The following HEXB variants were observed in gnomAD, a reference collection of about 807,000 sequenced individuals.
The protein encoded by HEXB is beta-hexosaminidase subunit beta.
Under a neutral mutation model 71.2 loss-of-function variants are expected in HEXB, and 51 were observed. The ratio of observed to expected loss-of-function variants is 0.72; its 90% CI spans 0.57 to 0.90. The LOEUF is 0.90. Among genes scored for constraint, HEXB ranks in the 40% least tolerant of loss-of-function variants. The pLI, the probability that HEXB is intolerant of heterozygous loss-of-function variation, is 0.00. For missense variants in HEXB, 617 were observed against 677.0 expected, an observed-to-expected ratio of 0.91 and a Z score of 0.98; for synonymous variants, 266 against 249.3, an observed-to-expected ratio of 1.07 and a Z score of -0.63.
chr5:74,679,029 G>T (rs545219829), intron 1 of HEXB, among the ~76,000 whole-genome samples: 1 of 152,178 alleles, frequency 6.6e-6, no homozygotes, highest in Non-Finnish European at 1.5e-5. Flanking sequence ...CACTGTTGCC[G>T]TTTTTGGGGG....
rs144438832 is a variant in HEXB at position 74,720,619 on chromosome 5, G to A, written c.1509-24G>A. ...AAACATAAATTTAAACTGCTTGCGG[G>A]GGGATGTGTGATTTAAATTTTAGGC... On this transcript the variant is annotated intron_variant, in intron 12 of 13. Transcript: ENST00000261416. 4.8e-4 allele frequency: 767 copies of A among 1,605,896 alleles called. 6 individuals are homozygous for A. In the East Asian group the frequency reaches 0.016, roughly 33 times the overall value.
At chr5:74,702,938 G>A (rs1370969658) in intron 5 of HEXB, among the ~76,000 whole-genome samples, 1 of 152,104 alleles carries the variant, frequency 6.6e-6, no homozygotes, top group African/African-American at 2.4e-5. Flanking sequence ...ATTGTAATCT[G>A]TTACTTTCCC....
At chr5:74,673,948 C>G (rs1748585038) in intron 1 of HEXB, among the ~76,000 whole-genome samples, 1 of 152,106 alleles carries the variant, frequency 6.6e-6, no homozygotes, top group Non-Finnish European at 1.5e-5. Flanking sequence ...TTCTGTCAAT[C>G]TACAATAATC....
intron 6 of HEXB, among the ~76,000 whole-genome samples, chr5:74,709,490 TAATG>T (rs1365746650): frequency 6.6e-6 from 1 of 152,018 alleles, no homozygotes; most frequent in East Asian, 1.9e-4. Flanking sequence ...TTCAAAAAAT[TAATG>T]AATCCAGAAG....
chr5:74,672,964 AG>A (rs1489293094), intron 1 of HEXB, among the ~76,000 whole-genome samples: 4 of 152,244 alleles, frequency 2.6e-5, no homozygotes, highest in Non-Finnish European at 4.4e-5. Flanking sequence ...GCATCAGAGC[AG>A]CCTTTGGTCA....
At chr5:74,713,167 G>A (rs946872736) in intron 6 of HEXB, among the ~76,000 whole-genome samples, 2 of 152,186 alleles carry the variant, frequency 1.3e-5, no homozygotes, top group African/African-American at 4.8e-5. Context: ...GGCACTGATG[G>A]AGACAGATAT....
intron 6 of HEXB, among the ~76,000 whole-genome samples, chr5:74,709,333 G>T (rs572719020): frequency 6.6e-6 from 1 of 151,790 alleles, no homozygotes; most frequent in South Asian, 2.1e-4. Context: ...GCCCACAAGA[G>T]AAAGCAGGAA....
chr5:74,683,818 TTTC>T (rs1748784369), upstream of HEXB, among the ~76,000 whole-genome samples: 1 of 120,400 alleles, frequency 8.3e-6, no homozygotes, highest in African/African-American at 3.1e-5. Flanking sequence ...ATTTCTTTTC[TTTC>T]TTTTTTTTTT....
chr5:74,671,690 C>G (rs1253608730), intron 1 of HEXB, among the ~76,000 whole-genome samples: 4 of 152,178 alleles, frequency 2.6e-5, no homozygotes, highest in Non-Finnish European at 4.4e-5. Flanking sequence ...TATTGTATGT[C>G]AATCACACTC....
intron 3 of HEXB, among the ~76,000 whole-genome samples, chr5:74,695,974 A>G (rs750657476): frequency 2.0e-5 from 3 of 152,176 alleles, no homozygotes; most frequent in Non-Finnish European, 2.9e-5. Flanking sequence ...TATTGAACGT[A>G]ATGTCACTTA....
In HEXB at chr5:74,667,259, C is replaced by CA. The variant is rs58718203; in HGVS notation, c.-376-22059dup. ...GAGAAACCCTGCTCTACTAAAATTA[C>CA]AAAAAAAAAACTATCCAGGCATGGT... On this transcript the variant is annotated intron_variant, in intron 1 of 13. Transcript: ENST00000511181. Among the ~76,000 whole-genome samples the CA allele has an allele frequency of 4.9e-4, 73 of 150,292 alleles. 1 individual carries two copies. Among genetic ancestry groups the CA allele is most frequent in the Middle Eastern group, 3.4e-3 (1 of 292 alleles).
chr5:74,707,312 C>T (rs1013531865), intron 6 of HEXB, among the ~76,000 whole-genome samples: 2 of 152,108 alleles, frequency 1.3e-5, no homozygotes, highest in Non-Finnish European at 2.9e-5. Context: ...CATCAAAGAC[C>T]AAAAGTAGAT....
upstream of HEXB, among the ~76,000 whole-genome samples, chr5:74,682,074 C>T (rs980641260): frequency 2.0e-5 from 3 of 152,172 alleles, no homozygotes; most frequent in East Asian, 1.9e-4. Context: ...GTAGATCCTC[C>T]GGGGCTGGGT....
Position 74,697,102 on chromosome 5 carries a change from C to T in HEXB, c.665C>T (p.Thr222Ile). Residue 222 changes from threonine (T) to isoleucine (I), a missense_variant, in exon 5 of 14, where the codon ACT becomes ATT. Thr to Ile is a moderately conservative substitution (Grantham distance 89, BLOSUM62 -1). Coordinates refer to ENST00000261416, the MANE Select transcript of HEXB (RefSeq NM_000521.4). ...CTGCCAGTTAAGATTATTCTTAAAA[C>T]TCTGGTAAGTAATTACTTCATTCTA... ...HYLPVKIILK[T>I]LDAMAFNKFN... The T allele has an allele frequency of 1.5e-6, 2 of 1,336,668 alleles. No individual in the cohort carries two copies. The highest frequency in any genetic ancestry group is 2.2e-6 in the Non-Finnish European group (2 of 927,674). 82.8% of individuals were successfully genotyped at this position (1,336,668 alleles called of 1,614,324 possible).
At chr5:74,644,932 C>T (rs1295357528) in intron 1 of HEXB, among the ~76,000 whole-genome samples, 16 of 151,424 alleles carry the variant, frequency 1.1e-4, no homozygotes, top group African/African-American at 2.9e-4. Flanking sequence ...CCACCACATC[C>T]GGCTAATTTT....
At chr5:74,712,543 A>G (rs1749573596) in intron 6 of HEXB, among the ~76,000 whole-genome samples, 1 of 152,202 alleles carries the variant, frequency 6.6e-6, no homozygotes, top group Non-Finnish European at 1.5e-5. Flanking sequence ...GGATACAAAT[A>G]AGCTCCATAA....
At chr5:74,664,750 A>C (rs1190242508) in intron 1 of HEXB, among the ~76,000 whole-genome samples, 1 of 152,170 alleles carries the variant, frequency 6.6e-6, no homozygotes, top group Non-Finnish European at 1.5e-5. Flanking sequence ...GGCAAAACAA[A>C]TAAAATTTTC....
At chr5:74,697,616 C>T (rs1303420689) in intron 5 of HEXB, among the ~76,000 whole-genome samples, 1 of 150,690 alleles carries the variant, frequency 6.6e-6, no homozygotes. Context: ...ATCCCAGCTA[C>T]TAGGGAGGCT....
At chr5:74,710,953 C>T (rs1321427348) in intron 6 of HEXB, among the ~76,000 whole-genome samples, 7 of 151,786 alleles carry the variant, frequency 4.6e-5, no homozygotes, top group Non-Finnish European at 8.8e-5. Context: ...TCATATGGAA[C>T]CAAAAAAGAG....
Sources: gnomAD v4.1 joint callset for allele counts (sites outside exome capture counted in the v4.1 genomes callset) on GRCh38, gnomAD v4.1.1 for gene constraint, MANE v1.5 for transcripts, NCBI Gene and HGNC (gene_info 2026-07-23, HGNC 2026-07-21) for gene names.